KDM4C: variants seen among roughly 807,000 people sequenced by gnomAD.
The protein encoded by KDM4C is lysine-specific demethylase 4C.
Under a neutral mutation model 129.3 loss-of-function variants are expected in KDM4C, and 81 were observed. The ratio of observed to expected loss-of-function variants is 0.63; its 90% CI spans 0.52 to 0.75. The LOEUF is 0.75. Among genes scored for constraint, KDM4C ranks in the 30% least tolerant of loss-of-function variants. KDM4C has a pLI of 0.00. For missense variants in KDM4C, 1,457 were observed against 1,304.0 expected, an observed-to-expected ratio of 1.12 and a Z score of -1.81; for synonymous variants, 573 against 456.1, an observed-to-expected ratio of 1.26 and a Z score of -3.26.
intron 1 of KDM4C, among the ~76,000 whole-genome samples, chr9:6,725,135 G>C (rs568456800): frequency 6.6e-6 from 1 of 151,770 alleles, no homozygotes; most frequent in Non-Finnish European, 1.5e-5. Context: ...CTGCCTTTTT[G>C]TTTTAAAAAA....
intron 12 of KDM4C, among the ~76,000 whole-genome samples, chr9:7,007,314 C>G (rs1387518601): frequency 2.1e-5 from 3 of 140,832 alleles, no homozygotes; most frequent in Admixed American, 6.9e-5. Flanking sequence ...TTGTAAAAAT[C>G]TTAGTCTAGG....
intron 1 of KDM4C, chr9:6,726,800 A>T (rs1489766400): frequency 2.6e-5 from 4 of 152,196 alleles, no homozygotes; most frequent in Non-Finnish European, 4.4e-5. Flanking sequence ...CAGTGGCTCA[A>T]TCTGGGCTCA....
intron 8 of KDM4C, among the ~76,000 whole-genome samples, chr9:6,895,465 C>G (rs1341715281): frequency 1.3e-5 from 2 of 152,190 alleles, no homozygotes; most frequent in Non-Finnish European, 2.9e-5. Flanking sequence ...TCAGAGCAGG[C>G]AATCCGCAAA....
At chr9:7,023,843 T>C (rs1285845475) in intron 15 of KDM4C, among the ~76,000 whole-genome samples, 1 of 152,220 alleles carries the variant, frequency 6.6e-6, no homozygotes, top group East Asian at 1.9e-4. Flanking sequence ...TGTTATCATT[T>C]GTTTCAAGAA....
intron 12 of KDM4C, among the ~76,000 whole-genome samples, chr9:7,009,970 A>G (rs1017512898): frequency 6.6e-6 from 1 of 152,248 alleles, no homozygotes; most frequent in Non-Finnish European, 1.5e-5. Context: ...GGCATAAAAT[A>G]TATGCAGATA....
chr9:7,056,379 A>G (rs1200503198), intron 17 of KDM4C, among the ~76,000 whole-genome samples: 1 of 151,788 alleles, frequency 6.6e-6, no homozygotes, highest in East Asian at 1.9e-4. Flanking sequence ...TAGTAGCTGT[A>G]TAGTACTTAA....
At chr9:7,022,122 G>T (rs749439529) in intron 15 of KDM4C, among the ~76,000 whole-genome samples, 1 of 152,036 alleles carries the variant, frequency 6.6e-6, no homozygotes, top group African/African-American at 2.4e-5. Context: ...GCTTAGGATA[G>T]TTTTGGCTGT....
chr9:6,784,143 A>C (rs893414338), intron 1 of KDM4C, among the ~76,000 whole-genome samples: 4 of 152,004 alleles, frequency 2.6e-5, no homozygotes, highest in Non-Finnish European at 5.9e-5. Flanking sequence ...TTAGTGGCTT[A>C]CTGGATCCCC....
intron 17 of KDM4C, among the ~76,000 whole-genome samples, chr9:7,058,803 A>G (rs535784526): frequency 4.6e-5 from 7 of 152,326 alleles, no homozygotes; most frequent in East Asian, 3.9e-4. Flanking sequence ...GCCTTGAGGT[A>G]AAACATTTTA....
rs192863595 is a variant in KDM4C at position 6,926,902 on chromosome 9, C to G, written c.921+33670C>G. 6.4e-4 allele frequency among the ~76,000 whole-genome samples: 97 copies of G among 152,246 alleles called. 1 individual carries two copies. The highest frequency in any genetic ancestry group is 2.2e-3 in the African/African-American group (93 of 41,546). On this transcript the variant is annotated intron_variant, in intron 8 of 21. Coordinates refer to ENST00000381309, the MANE Select transcript of KDM4C (RefSeq NM_015061.6). ...TGTTGCTTATTTTCTTATTCATAAA[C>G]ATGTCGAAGCTATTGGTAGATGCAA...
chr9:7,155,082 T>C lies in KDM4C; in HGVS notation c.2782-10156T>C, dbSNP rs186073526. 1.1e-3 allele frequency among the ~76,000 whole-genome samples: 172 copies of C among 152,338 alleles called. 1 individual carries two copies. Among genetic ancestry groups the C allele is most frequent in the African/African-American group, 3.9e-3 (164 of 41,580 alleles). ...TTACATCCTTTTCTATAATTGACCT[T>C]AGATTCTAGATTGCTTAAAAGAAGT... On this transcript the variant is annotated intron_variant, in intron 19 of 21. Coordinates refer to ENST00000381309, the MANE Select transcript of KDM4C (RefSeq NM_015061.6).
At chr9:7,076,215 A>G (rs1411452311) in intron 17 of KDM4C, among the ~76,000 whole-genome samples, 1 of 152,214 alleles carries the variant, frequency 6.6e-6, no homozygotes, top group African/African-American at 2.4e-5. Context: ...TCCTCTTGCG[A>G]TACTTTATGC....
chr9:7,074,588 A>G (rs1833659982), intron 17 of KDM4C, among the ~76,000 whole-genome samples: 1 of 152,212 alleles, frequency 6.6e-6, no homozygotes, highest in Admixed American at 6.5e-5. Flanking sequence ...GTAAGTTTTG[A>G]TCAAGTCCAC....
intron 1 of KDM4C, among the ~76,000 whole-genome samples, chr9:6,760,329 C>T (rs1439724387): frequency 1.3e-5 from 2 of 152,080 alleles, no homozygotes; most frequent in East Asian, 1.9e-4. Context: ...GGATACATCA[C>T]ATTTTGTTTA....
At chr9:7,034,354 C>T (rs913855849) in intron 15 of KDM4C, among the ~76,000 whole-genome samples, 20 of 152,164 alleles carry the variant, frequency 1.3e-4, no homozygotes, top group African/African-American at 4.8e-4. Flanking sequence ...TCTCCCAATT[C>T]CTCCTTTCTG....
chr9:6,967,917 T>G (rs1831286677), intron 8 of KDM4C, among the ~76,000 whole-genome samples: 1 of 152,222 alleles, frequency 6.6e-6, no homozygotes, highest in African/African-American at 2.4e-5. Context: ...GGTTCTTTGA[T>G]TCCAACATTA....
At chr9:6,945,849 G>A (rs1440922795) in intron 8 of KDM4C, among the ~76,000 whole-genome samples, 2 of 152,112 alleles carry the variant, frequency 1.3e-5, no homozygotes, top group Non-Finnish European at 2.9e-5. Flanking sequence ...TCCTGGTCAT[G>A]GAAGGGACTG....
At chr9:6,777,495 A>G (rs1823336010) in intron 1 of KDM4C, among the ~76,000 whole-genome samples, 2 of 152,188 alleles carry the variant, frequency 1.3e-5, no homozygotes, top group Non-Finnish European at 2.9e-5. Context: ...GATCTGCCTC[A>G]TTTTATCTTT....
chr9:6,975,902 G>A (rs1268982213), intron 8 of KDM4C, among the ~76,000 whole-genome samples: 1 of 152,196 alleles, frequency 6.6e-6, no homozygotes, highest in Non-Finnish European at 1.5e-5. Flanking sequence ...GCCGAGCGTG[G>A]TGGCACATGC....
Sources: gnomAD v4.1 joint callset for allele counts (sites outside exome capture counted in the v4.1 genomes callset) on GRCh38, gnomAD v4.1.1 for gene constraint, MANE v1.5 for transcripts, NCBI Gene and HGNC (gene_info 2026-07-23, HGNC 2026-07-21) for gene names.